The following MAP3K7CL variants were observed in gnomAD, a reference collection of about 807,000 sequenced individuals.
MAP3K7CL encodes MAP3K7 C-terminal like.
Under a neutral mutation model 18.6 loss-of-function variants are expected in MAP3K7CL, and 16 were observed. The ratio of observed to expected loss-of-function variants is 0.86; its 90% CI spans 0.58 to 1.31. MAP3K7CL has a LOEUF of 1.31. Among genes scored for constraint, MAP3K7CL ranks in the 50% most tolerant of loss-of-function variants. The pLI, the probability that MAP3K7CL is intolerant of heterozygous loss-of-function variation, is 0.00. For synonymous variants in MAP3K7CL, 65 were observed against 66.8 expected, an observed-to-expected ratio of 0.97 and a Z score of 0.13; for missense variants, 163 against 174.4, an observed-to-expected ratio of 0.93 and a Z score of 0.37.
intron 4 of MAP3K7CL, among the ~76,000 whole-genome samples, chr21:29,110,684 C>T (rs1259665635): frequency 6.6e-6 from 1 of 152,148 alleles, no homozygotes; most frequent in Non-Finnish European, 1.5e-5. Context: ...AGGCATGAGC[C>T]ACCACACTCG....
chr21:29,135,414 G>C (rs779725130), intron 2 of MAP3K7CL, among the ~76,000 whole-genome samples: 1 of 152,158 alleles, frequency 6.6e-6, no homozygotes, highest in Non-Finnish European at 1.5e-5. Flanking sequence ...CTGCATGTGA[G>C]CAGAACAAGT....
chr21:29,122,557 C>A (rs998184396), intron 4 of MAP3K7CL, among the ~76,000 whole-genome samples: 2 of 152,182 alleles, frequency 1.3e-5, no homozygotes, highest in Non-Finnish European at 2.9e-5. Flanking sequence ...GTGGTCTTCC[C>A]CTGGAGTTTG....
rs12626291 is a variant in MAP3K7CL, at chr21:29,168,451, T to A, written c.249-6261T>A. ...AGGCCTGCCTCAGTTCTTTACTTTG[T>A]TTATGGAGACAGAGATGTAGCCAAA... On this transcript the variant is annotated intron_variant, in intron 4 of 4. Transcript: ENST00000399928. Among the ~76,000 whole-genome samples the A allele has an allele frequency of 9.1e-4, 138 of 152,324 alleles. 2 individuals carry two copies. The East Asian group carries it at 0.025, about 27-fold the overall frequency.
At chr21:29,089,663 C>T (rs1052079790) in intron 1 of MAP3K7CL, among the ~76,000 whole-genome samples, 1 of 152,182 alleles carries the variant, frequency 6.6e-6, no homozygotes, top group African/African-American at 2.4e-5. Flanking sequence ...AAGCATTAAC[C>T]TCACAAGGAA....
At chr21:29,140,263 G>C (rs576399736) in intron 2 of MAP3K7CL, among the ~76,000 whole-genome samples, 1 of 152,246 alleles carries the variant, frequency 6.6e-6, no homozygotes, top group African/African-American at 2.4e-5. Context: ...TCATTATCCT[G>C]GTGTCAGATG....
At position 29,174,793 on chromosome 21, in the gene MAP3K7CL, G is replaced by A. The variant is rs759244489; in HGVS notation, c.330G>A (p.Leu110=). 6.8e-6 allele frequency: 11 copies of A among 1,614,046 alleles called. No homozygotes were observed. The highest frequency in any genetic ancestry group is 8.5e-6 in the Non-Finnish European group (10 of 1,180,022). The part of the protein sequence containing the change: ...AAELVREFEA[L]TEENRTLRLA... ...AGCTGGTTCGGGAATTCGAGGCTCT[G>A]ACGGAGGAGAATCGGACGTTGAGGT... The change falls in exon 5 of 5, where the codon CTG becomes CTA. Residue 110 remains leucine, a synonymous_variant. Transcript: ENST00000399928.
chr21:29,084,055 T>C (rs1474247395), upstream of MAP3K7CL, among the ~76,000 whole-genome samples: 1 of 148,200 alleles, frequency 6.7e-6, no homozygotes, highest in Non-Finnish European at 1.5e-5. Flanking sequence ...ATATTATATG[T>C]ATATATACAT....
intron 4 of MAP3K7CL, among the ~76,000 whole-genome samples, chr21:29,120,733 T>C (rs2086579256): frequency 6.6e-6 from 1 of 151,896 alleles, no homozygotes; most frequent in Non-Finnish European, 1.5e-5. Flanking sequence ...TTCTTTTCCT[T>C]CCTTCCTTCC....
intron 2 of MAP3K7CL, among the ~76,000 whole-genome samples, chr21:29,147,415 ATATG>A (rs1387175166): frequency 2.0e-5 from 3 of 151,842 alleles, no homozygotes; most frequent in African/African-American, 7.3e-5. Context: ...TGTGTACAGT[ATATG>A]TATATGTACT....
upstream of MAP3K7CL, among the ~76,000 whole-genome samples, chr21:29,085,632 G>C (rs2085912330): frequency 6.6e-6 from 1 of 151,722 alleles, no homozygotes; most frequent in African/African-American, 2.4e-5. Flanking sequence ...TCTTGTTGGG[G>C]TGAGCTTTGC....
chr21:29,127,623 G>A (rs1401527848), upstream of MAP3K7CL: 1 of 115,260 alleles, frequency 8.7e-6, no homozygotes, highest in African/African-American at 2.9e-5. Context: ...CAATTTAGAT[G>A]TATTTTTTTT....
At position 29,163,638 on chromosome 21, in the gene MAP3K7CL, C is replaced by T. The variant is rs534466817; in HGVS notation, c.248+3582C>T. On this transcript the variant is annotated intron_variant, in intron 4 of 4. Coordinates refer to ENST00000399928, the MANE Select transcript of MAP3K7CL (RefSeq NM_001286620.2). ...CTCCCGGGGCAGGAGGTGGGTCCTC[C>T]AGTCACTGAGCCCCTGTTCACACCA... Among the ~76,000 whole-genome samples the T allele has an allele frequency of 5.0e-4, 76 of 152,092 alleles. No individual in the cohort carries two copies. The South Asian group carries it at 0.011, about 22-fold the overall frequency.
chr21:29,092,307 T>G (rs879885289), intron 3 of MAP3K7CL: 9 of 771,286 alleles, frequency 1.2e-5, no homozygotes, highest in Non-Finnish European at 1.7e-5. Context: ...ATTTAAACCA[T>G]TAACAACCCT....
chr21:29,158,942 A>G (rs1356290487), intron 3 of MAP3K7CL, among the ~76,000 whole-genome samples: 2 of 114,618 alleles, frequency 1.7e-5, no homozygotes, highest in African/African-American at 4.1e-5. Flanking sequence ...TTTTTTTGCA[A>G]TGGAGTCTCA....
chr21:29,096,167 T>C (rs955724129), intron 4 of MAP3K7CL, among the ~76,000 whole-genome samples: 2 of 152,172 alleles, frequency 1.3e-5, no homozygotes, highest in Non-Finnish European at 2.9e-5. Flanking sequence ...TACTAGGAAG[T>C]AGGGTTGAAA....
intron 1 of MAP3K7CL, among the ~76,000 whole-genome samples, chr21:29,131,930 C>T (rs553598628): frequency 4.6e-5 from 7 of 152,180 alleles, no homozygotes; most frequent in Non-Finnish European, 1.0e-4. Flanking sequence ...AGTCAGAAAC[C>T]GTGCTGTGAG....
intron 2 of MAP3K7CL, among the ~76,000 whole-genome samples, chr21:29,139,058 C>T (rs544465870): frequency 3.3e-5 from 5 of 152,208 alleles, no homozygotes; most frequent in South Asian, 2.1e-4. Flanking sequence ...TTTGGTACTC[C>T]GGAACCCATA....
chr21:29,160,896 T>C (rs2087531167), intron 4 of MAP3K7CL, among the ~76,000 whole-genome samples: 1 of 152,248 alleles, frequency 6.6e-6, no homozygotes, highest in South Asian at 2.1e-4. Context: ...TAAATTATTG[T>C]TGATGTGTGA....
chr21:29,167,461 A>T (rs2255319), intron 4 of MAP3K7CL, among the ~76,000 whole-genome samples: 59,469 of 152,026 alleles, frequency 0.39, 13,236 homozygotes, highest in Non-Finnish European at 0.5. Flanking sequence ...TTGCAAAGGC[A>T]TAAATTAAAA....
Sources: allele counts gnomAD v4.1 joint callset (sites outside exome capture counted in the v4.1 genomes callset), GRCh38; gene constraint gnomAD v4.1.1; transcripts MANE v1.5; gene names NCBI Gene and HGNC (gene_info 2026-07-23, HGNC 2026-07-21).